The following NTN3 variants were observed in gnomAD, a reference collection of about 807,000 sequenced individuals.
The protein encoded by NTN3 is netrin-3.
A neutral mutation model predicts 37.2 loss-of-function variants in NTN3; 44 were observed. The observed-to-expected ratio is 1.18, with a 90% confidence interval of 0.93 to 1.52. The LOEUF (loss-of-function observed/expected upper bound fraction) is 1.52, where lower values mean the gene tolerates loss of function less well. Ranked by LOEUF, NTN3 falls within the 40% of genes most tolerant of loss-of-function variation. NTN3 has a pLI of 0.00. For missense variants in NTN3, 882 were observed against 857.3 expected, an observed-to-expected ratio of 1.03 and a Z score of -0.36; for synonymous variants, 385 against 376.0, an observed-to-expected ratio of 1.02 and a Z score of -0.28.
intron 4 of NTN3, 21 bp downstream of exon 4, chr16:2,473,339 GC>G: frequency 6.2e-7 from 1 of 1,612,838 alleles, no homozygotes; most frequent in Non-Finnish European, 8.5e-7. Flanking sequence ...ACAGGACAGG[GC>G]CCCAGACTGG....
intron 3 of NTN3, 64 bp downstream of exon 3, chr16:2,473,198 C>T (rs778092161): frequency 4.2e-5 from 67 of 1,598,136 alleles, no homozygotes; most frequent in Non-Finnish European, 5.0e-5. Context: ...GCTGTTGTCC[C>T]GTCTATTCCC....
Position 2,473,929 on chromosome 16 carries a change from C to A in NTN3, c.1567C>A (p.Arg523Ser). The A allele has an allele frequency of 1.7e-6, 2 of 1,184,868 alleles. No individual in the cohort carries two copies. The highest frequency in any genetic ancestry group is 2.1e-6 in the Non-Finnish European group (2 of 958,326). The allele number at this position is 1,184,868 out of a possible 1,614,324, so 73.4% of individuals were successfully genotyped here. A position where few individuals can be genotyped will look rare whatever the true frequency, so the allele number is the denominator to read the frequency against. The change falls in exon 6 of 6, where the codon CGC becomes AGC. Residue 523 changes from arginine (R) to serine (S), a missense_variant. Transcript: ENST00000293973. ...CGGCTGCCCGCGCCTGCTCCCCGGCCGCCGCTACCTCCTGCTGGGGGGCGG... is the reference window on the plus strand; with the variant it reads ...CGGCTGCCCGCGCCTGCTCCCCGGCAGCCGCTACCTCCTGCTGGGGGGCGG... Reference protein sequence around the residue: ...ACGCPRLLPGRRYLLLGGGPG... With the variant: ...ACGCPRLLPGSRYLLLGGGPG...
intron 5 of NTN3, 52 bp downstream of exon 5, chr16:2,473,555 C>T: frequency 6.5e-7 from 1 of 1,534,456 alleles, no homozygotes; most frequent in Non-Finnish European, 9.0e-7. Flanking sequence ...CCTCTCCCTA[C>T]CTTCCCTCCT....
chr16:2,472,592 G>A lies in NTN3; in HGVS notation c.891G>A (p.Trp297Ter). 1.3e-6 allele frequency: 2 copies of A among 1,597,204 alleles called. No individual in the cohort carries two copies. The highest frequency in any genetic ancestry group is 1.7e-6 in the Non-Finnish European group (2 of 1,171,192). ...AGCCCTTCTACTGCGACAGGCCATG[G>A]CAGCGGGCCACTGCCCGGGAATCCC... ...RCKPFYCDRP[W>*]QRATARESHA... The change falls in exon 1 of 6, where the codon TGG becomes TGA. Residue 297 changes from tryptophan to a stop codon, truncating the protein, a stop_gained. Transcript: ENST00000293973. LOFTEE classifies it high-confidence loss of function.
At position 2,472,038 on chromosome 16, in the gene NTN3, A is replaced by G; in HGVS notation, c.337A>G (p.Lys113Glu). ...CGTGACTCTCACGGTGCCCCTGGGC[A>G]AGGCTTTTGAGCTGGTCTTCGTGAG... Reference protein sequence around the residue: ...LNVTLTVPLGKAFELVFVSLR... With the variant: ...LNVTLTVPLGEAFELVFVSLR... The change falls in exon 1 of 6, where the codon AAG becomes GAG. Residue 113 changes from lysine to glutamate, a missense_variant. Lys to Glu is a moderately conservative substitution (Grantham distance 56, BLOSUM62 1). Transcript: ENST00000293973. 2.5e-6 allele frequency: 4 copies of G among 1,608,694 alleles called. No homozygotes were observed. The highest frequency in any genetic ancestry group is 3.4e-6 in the Non-Finnish European group (4 of 1,179,490).
intron 2 of NTN3, 22 bp from the exon 3 acceptor site, chr16:2,472,963 C>A: frequency 1.3e-6 from 2 of 1,587,196 alleles, no homozygotes; most frequent in South Asian, 1.1e-5. Flanking sequence ...TCTGACCAGG[C>A]CCTTCCCACC....
At position 2,473,863 on chromosome 16, in the gene NTN3, G is replaced by C. The variant is rs2141846189; in HGVS notation, c.1501G>C (p.Gly501Arg). 7.7e-7 allele frequency: 1 copy of C among 1,295,718 alleles called. No homozygotes were observed. Among genetic ancestry groups the C allele is most frequent in the Admixed American group, 4.1e-5 (1 of 24,248 alleles). The allele number at this position is 1,295,718 out of a possible 1,614,324, so 80.3% of individuals were successfully genotyped here. ...FRSGEERARR[G>R]SSALWVPAGD... ...GAGCGGAGAGGAGCGCGCGCGGCGCGGGAGTAGCGCGCTGTGGGTGCCCGC... is the reference window on the plus strand; with the variant it reads ...GAGCGGAGAGGAGCGCGCGCGGCGCCGGAGTAGCGCGCTGTGGGTGCCCGC... Residue 501 changes from glycine (G) to arginine (R), a missense_variant, in exon 6 of 6, where the codon GGG becomes CGG. Gly to Arg is a moderately radical substitution (Grantham distance 125, BLOSUM62 -2). Transcript: ENST00000293973.
rs1458133558 is a variant in NTN3 at position 2,473,834 on chromosome 16, T to G, written c.1472T>G (p.Phe491Cys). 1.5e-6 allele frequency: 2 copies of G among 1,366,610 alleles called. No homozygotes were observed. The highest frequency in any genetic ancestry group is 2.7e-4 in the Middle Eastern group (1 of 3,704). 84.7% of individuals were successfully genotyped at this position (1,366,610 alleles called of 1,614,324 possible). Residue 491 changes from phenylalanine (F) to cysteine (C), a missense_variant, in exon 6 of 6, where the codon TTC becomes TGC. Transcript: ENST00000293973. ...TRFPVAVLAV[F>C]RSGEERARRG... ...TTCCCGGTGGCGGTGCTCGCCGTGT[T>G]CCGGAGCGGAGAGGAGCGCGCGCGG... is the stretch of plus-strand genomic sequence containing the variant.
In NTN3 at chr16:2,471,721, G is replaced by A; in HGVS notation, c.20G>A (p.Gly7Glu). The change falls in exon 1 of 6, where the codon GGG becomes GAG. Residue 7 changes from glycine to glutamate, a missense_variant. Transcript: ENST00000293973. ...CCGGCCATGCCTGGCTGGCCCTGGG[G>A]GCTGCTGCTGACGGCAGGCACGCTC... is the stretch of plus-strand genomic sequence containing the variant. Reference protein sequence around the residue: MPGWPWGLLLTAGTLFA... With the variant: MPGWPWELLLTAGTLFA... 7 of 1,371,554 alleles carry A rather than the reference G, an allele frequency of 5.1e-6. No homozygotes were observed. The highest frequency in any genetic ancestry group is 5.6e-6 in the Non-Finnish European group (6 of 1,069,276). 85.0% of individuals were successfully genotyped at this position (1,371,554 alleles called of 1,614,324 possible).
rs560285957 is a variant in NTN3, at chr16:2,472,359, G to T, written c.658G>T (p.Val220Phe). ...VLQDWVTATD[V>F]RVVLTRPSTA... ...CCAAGACTGGGTGACCGCCACCGACGTCCGTGTAGTGCTCACAAGGCCTAG... is the reference window on the plus strand; with the variant it reads ...CCAAGACTGGGTGACCGCCACCGACTTCCGTGTAGTGCTCACAAGGCCTAG... Residue 220 changes from valine to phenylalanine, a missense_variant, in exon 1 of 6, where the codon GTC becomes TTC. By Grantham distance (50) the Val-to-Phe change is conservative. Coordinates refer to ENST00000293973, the MANE Select transcript of NTN3 (RefSeq NM_006181.3). The T allele has an allele frequency of 2.4e-5, 38 of 1,612,148 alleles. No homozygotes were observed. The highest frequency in any genetic ancestry group is 3.1e-5 in the Non-Finnish European group (36 of 1,179,514).
chr16:2,473,135 G>C lies in NTN3; in HGVS notation c.1267+1G>C, dbSNP rs1316856431. The stretch of plus-strand genomic sequence containing the variant: ...CGCTCCCCAGTGGCGCCCTGTGTTA[G>C]TGAGTGACCCTGCCCCGCCTCAGCC... On this transcript the variant is annotated splice_donor_variant, in intron 3 of 5. Coordinates refer to ENST00000293973, the MANE Select transcript of NTN3 (RefSeq NM_006181.3). LOFTEE classifies it high-confidence loss of function. The C allele has an allele frequency of 6.3e-7, 1 of 1,594,446 alleles. No individual in the cohort carries two copies. Among genetic ancestry groups the C allele is most frequent in the South Asian group, 1.1e-5 (1 of 88,910 alleles).
chr16:2,472,167 C>A lies in NTN3; in HGVS notation c.466C>A (p.Leu156Met). The stretch of plus-strand genomic sequence containing the variant: ...GGGCTTCTTCTCCTCCCACTGTGAC[C>A]TGGACTATGGCCGTCTGCCTGCCCC... ...PLGFFSSHCDLDYGRLPAPAN... is the reference protein window; with the variant it reads ...PLGFFSSHCDMDYGRLPAPAN... Residue 156 changes from leucine to methionine, a missense_variant, in exon 1 of 6, where the codon CTG becomes ATG. Coordinates refer to ENST00000293973, the MANE Select transcript of NTN3 (RefSeq NM_006181.3). The A allele has an allele frequency of 6.2e-7, 1 of 1,608,614 alleles. No individual in the cohort carries two copies. Among genetic ancestry groups the A allele is most frequent in the Non-Finnish European group, 8.5e-7 (1 of 1,179,850 alleles).
In NTN3 at chr16:2,473,836, C is replaced by T. The variant is rs1297086072; in HGVS notation, c.1474C>T (p.Arg492Trp). The part of the protein sequence containing the change: ...RFPVAVLAVF[R>W]SGEERARRGS... ...CCCGGTGGCGGTGCTCGCCGTGTTCCGGAGCGGAGAGGAGCGCGCGCGGCG... is the reference window on the plus strand; with the variant it reads ...CCCGGTGGCGGTGCTCGCCGTGTTCTGGAGCGGAGAGGAGCGCGCGCGGCG... Residue 492 changes from arginine to tryptophan, a missense_variant, in exon 6 of 6, where the codon CGG (arginine) becomes TGG (tryptophan). Transcript: ENST00000293973. 10 of 1,365,570 alleles carry T rather than the reference C, an allele frequency of 7.3e-6. No individual in the cohort carries two copies. The highest frequency in any genetic ancestry group is 9.4e-6 in the Non-Finnish European group (10 of 1,068,928). The allele number at this position is 1,365,570 out of a possible 1,614,324, so 84.6% of individuals were successfully genotyped here.
chr16:2,472,963 C>T (rs1267246968), intron 2 of NTN3, 22 bp from the exon 3 acceptor site: 1 of 1,587,198 alleles, frequency 6.3e-7, no homozygotes, highest in Non-Finnish European at 8.6e-7. Flanking sequence ...TCTGACCAGG[C>T]CCTTCCCACC....
At position 2,472,689 on chromosome 16, in the gene NTN3, C is replaced by T. The variant is rs1429469351; in HGVS notation, c.929-12C>T. 6.2e-7 allele frequency: 1 copy of T among 1,608,688 alleles called. No individual in the cohort carries two copies. The highest frequency in any genetic ancestry group is 1.3e-5 in the African/African-American group (1 of 74,962). On this transcript the variant is annotated splice_polypyrimidine_tract_variant and intron_variant, in intron 1 of 5. Coordinates refer to ENST00000293973, the MANE Select transcript of NTN3 (RefSeq NM_006181.3). ...CACAACCAGCCTGCCCCTGACCCAT[C>T]CCTCCCTGCAGCTTGCTCCTGCAAC...
Position 2,473,954 on chromosome 16 carries a change from G to T in NTN3, c.1592G>T (p.Gly531Val). ...CGCCGCTACCTCCTGCTGGGGGGCG[G>T]GCCTGGAGCCGCGGCTGGGGGCGCG... ...PGRRYLLLGGGPGAAAGGAGG... is the reference protein window; with the variant it reads ...PGRRYLLLGGVPGAAAGGAGG... Residue 531 changes from glycine to valine, a missense_variant, in exon 6 of 6, where the codon GGG (glycine) becomes GTG (valine). Physicochemically the swap from Gly to Val is moderately radical, Grantham distance 109. Transcript: ENST00000293973. The T allele has an allele frequency of 8.5e-7, 1 of 1,170,392 alleles. No individual in the cohort carries two copies. Among genetic ancestry groups the T allele is most frequent in the Non-Finnish European group, 1.1e-6 (1 of 949,090 alleles). 72.5% of individuals were successfully genotyped at this position (1,170,392 alleles called of 1,614,324 possible). A position where few individuals can be genotyped will look rare whatever the true frequency, so the allele number is the denominator to read the frequency against.
At position 2,472,601 on chromosome 16, in the gene NTN3, C is replaced by G. The variant is rs2065528460; in HGVS notation, c.900C>G (p.Ala300=). 1 of 1,596,016 alleles carries G rather than the reference C, an allele frequency of 6.3e-7. No homozygotes were observed. The highest frequency in any genetic ancestry group is 2.2e-5 in the East Asian group (1 of 44,502). Residue 300 remains alanine (A), a synonymous_variant, in exon 1 of 6, where the codon GCC becomes GCG. Coordinates refer to ENST00000293973, the MANE Select transcript of NTN3 (RefSeq NM_006181.3). ...PFYCDRPWQR[A]TARESHACLA... ...ACTGCGACAGGCCATGGCAGCGGGC[C>G]ACTGCCCGGGAATCCCACGCCTGCC...
chr16:2,473,969 CTGGGGGCGCGGG>C lies in NTN3; in HGVS notation c.1608_1619del (p.Gly538_Gly541del), dbSNP rs2065540901. The C allele has an allele frequency of 7.7e-6, 9 of 1,163,488 alleles. No individual in the cohort carries two copies. The highest frequency in any genetic ancestry group is 9.5e-6 in the Non-Finnish European group (9 of 944,722). The allele number at this position is 1,163,488 out of a possible 1,614,324, so 72.1% of individuals were successfully genotyped here. ...CTGGGGGGCGGGCCTGGAGCCGCGG[CTGGGGGCGCGGG>C]GGGCCGGGGGCCCGGGCTCATCGCC... On this transcript the variant is annotated inframe_deletion, in exon 6 of 6. Transcript: ENST00000293973.
Position 2,472,789 on chromosome 16 carries a change from C to T in NTN3, c.1017C>T (p.Leu339=). ...GCCGCCGCAGCGGGGGTGTCTGTCT[C>T]AACTGCCGGCACAACACCGCCGGCC... The part of the protein sequence containing the change: ...LSGRRSGGVC[L]NCRHNTAGRH... Residue 339 remains leucine, a synonymous_variant, in exon 2 of 6, where the codon CTC becomes CTT. Transcript: ENST00000293973. 4 of 1,608,280 alleles carry T rather than the reference C, an allele frequency of 2.5e-6. No individual in the cohort carries two copies. In the South Asian group the frequency reaches 4.4e-5, roughly 18 times the overall value.
Sources: gnomAD v4.1 joint callset for allele counts on GRCh38, gnomAD v4.1.1 for gene constraint, MANE v1.5 for transcripts, NCBI Gene and HGNC (gene_info 2026-07-23, HGNC 2026-07-21) for gene names.